The following GRM1 variants were observed in gnomAD, a reference collection of about 807,000 sequenced individuals.
The protein encoded by GRM1 is glutamate metabotropic receptor 1, also known as metabotropic glutamate receptor 1.
In GRM1, 33 loss-of-function variants were observed where a neutral mutation model predicts 90.9. The observed-to-expected ratio is 0.36, with a 90% CI of 0.28 to 0.49. The LOEUF is 0.49. GRM1 is among the 20% of genes least tolerant of loss of function. GRM1 has a pLI of 0.99. For missense variants in GRM1, 1,190 were observed against 1,534.3 expected (o/e 0.78, Z 3.75); for synonymous variants, 700 against 613.2 (o/e 1.14, Z -2.09).
chr6:146,157,187 C>A (rs1777553212), intron 1 of GRM1, among the ~76,000 whole-genome samples: 1 of 152,044 alleles, frequency 6.6e-6, no homozygotes, highest in Non-Finnish European at 1.5e-5. Flanking sequence ...GAAAGAAAAT[C>A]CAACAAACAT....
chr6:146,378,184 G>T (rs182055791), intron 5 of GRM1, among the ~76,000 whole-genome samples: 1 of 152,206 alleles, frequency 6.6e-6, no homozygotes, highest in Non-Finnish European at 1.5e-5. Context: ...CTCTGCTAGG[G>T]AAGTGCAGAA....
chr6:146,241,288 C>T (rs772764424), intron 2 of GRM1, among the ~76,000 whole-genome samples: 16 of 151,950 alleles, frequency 1.1e-4, no homozygotes, highest in South Asian at 2.1e-4. Flanking sequence ...TATAAGATAC[C>T]GGATGCTTTG....
intron 2 of GRM1, among the ~76,000 whole-genome samples, chr6:146,238,307 T>G (rs1283982624): frequency 6.6e-6 from 1 of 152,158 alleles, no homozygotes; most frequent in East Asian, 1.9e-4. Flanking sequence ...TATTTTTAAG[T>G]GGACAGTTGT....
chr6:146,380,913 C>T, intron 5 of GRM1, among the ~76,000 whole-genome samples: 1 of 152,142 alleles, frequency 6.6e-6, no homozygotes, highest in East Asian at 1.9e-4. Flanking sequence ...TAGAAGTGTC[C>T]TCTGGGAGCT....
intron 2 of GRM1, among the ~76,000 whole-genome samples, chr6:146,249,516 A>G (rs1285017224): frequency 6.6e-6 from 1 of 152,160 alleles, no homozygotes; most frequent in Non-Finnish European, 1.5e-5. Flanking sequence ...TTTTGGGCCT[A>G]TGGGTGCACA....
chr6:146,379,070 A>G (rs1776218000), intron 5 of GRM1, among the ~76,000 whole-genome samples: 2 of 152,168 alleles, frequency 1.3e-5, no homozygotes, highest in African/African-American at 2.4e-5. Flanking sequence ...GCAGCATGAG[A>G]ACAGACTCAT....
At chr6:146,051,544 AG>A (rs1775293427) in intron 1 of GRM1, among the ~76,000 whole-genome samples, 1 of 152,212 alleles carries the variant, frequency 6.6e-6, no homozygotes, top group African/African-American at 2.4e-5. Context: ...GAAAATTTGC[AG>A]TGTTTAATAT....
At chr6:146,431,797 TAAG>T (rs1257863219) in intron 7 of GRM1, among the ~76,000 whole-genome samples, 1 of 152,138 alleles carries the variant, frequency 6.6e-6, no homozygotes, top group Non-Finnish European at 1.5e-5. Context: ...AAGGCATACT[TAAG>T]GAGGGTAAGA....
chr6:146,360,737 A>G (rs1001781295), intron 5 of GRM1, among the ~76,000 whole-genome samples: 1 of 152,232 alleles, frequency 6.6e-6, no homozygotes. Context: ...GTTCACAAGT[A>G]TCTTAGCTCA....
intron 2 of GRM1, among the ~76,000 whole-genome samples, chr6:146,216,632 G>T (rs1158503778): frequency 6.6e-6 from 1 of 152,186 alleles, no homozygotes; most frequent in East Asian, 1.9e-4. Context: ...CAGAAACTGG[G>T]GCTAATGCAA....
intron 2 of GRM1, among the ~76,000 whole-genome samples, chr6:146,280,787 A>ATT (rs577622701): frequency 2.0e-5 from 3 of 150,772 alleles, no homozygotes; most frequent in Admixed American, 6.6e-5. Context: ...AGCCCAGGTA[A>ATT]TTTTTTTTTC....
rs1782449265 is a variant in GRM1, at chr6:146,278,418, C to A, written c.951-26193C>A. The stretch of plus-strand genomic sequence containing the variant: ...CTATTGTGTTACTCCATATATTCAC[C>A]CTTAATGACATGTTACTTATTCTGC... On this transcript the variant is annotated intron_variant, in intron 2 of 7. Transcript: ENST00000282753. Among the ~76,000 whole-genome samples the A allele has an allele frequency of 3.9e-5, 6 of 152,038 alleles. No homozygotes were observed. In the South Asian group the frequency reaches 1.2e-3, roughly 32 times the overall value.
intron 2 of GRM1, among the ~76,000 whole-genome samples, chr6:146,176,419 C>T (rs1778339275): frequency 1.3e-5 from 2 of 151,996 alleles, no homozygotes; most frequent in South Asian, 2.1e-4. Flanking sequence ...CAGTGAATAG[C>T]TGTAATTTGA....
chr6:146,159,641 T>TCTCA (rs372590505), intron 2 of GRM1, 44 bp downstream of exon 2: 422 of 727,940 alleles, frequency 5.8e-4, no homozygotes, highest in South Asian at 5.6e-3. Context: ...TCTCTCTCTC[T>TCTCA]CACACACACA....
At chr6:146,278,296 G>A (rs979727463) in intron 2 of GRM1, among the ~76,000 whole-genome samples, 5 of 152,100 alleles carry the variant, frequency 3.3e-5, no homozygotes, top group Non-Finnish European at 7.4e-5. Flanking sequence ...GAAAAATTGG[G>A]CTTAGAAAGT....
At chr6:146,085,953 A>G (rs1206250957) in intron 1 of GRM1, among the ~76,000 whole-genome samples, 2 of 152,116 alleles carry the variant, frequency 1.3e-5, no homozygotes, top group East Asian at 3.9e-4. Flanking sequence ...AGAATTTGAG[A>G]AAGTTATTGC....
intron 7 of GRM1, among the ~76,000 whole-genome samples, chr6:146,411,045 C>A (rs1427677640): frequency 6.6e-6 from 1 of 152,144 alleles, no homozygotes; most frequent in Admixed American, 6.5e-5. Context: ...GGCACTGGGA[C>A]AACTGCAGTG....
intron 3 of GRM1, among the ~76,000 whole-genome samples, chr6:146,320,840 C>T (rs1784158688): frequency 6.6e-6 from 1 of 151,962 alleles, no homozygotes. Flanking sequence ...TTTATTGTGT[C>T]TATTTGATTC....
intron 1 of GRM1, among the ~76,000 whole-genome samples, chr6:146,089,899 G>A (rs1468087542): frequency 2.0e-5 from 3 of 151,802 alleles, no homozygotes; most frequent in Non-Finnish European, 2.9e-5. Flanking sequence ...TAATGTTTCC[G>A]GTTACAGGGG....
Sources: allele counts gnomAD v4.1 joint callset (sites outside exome capture counted in the v4.1 genomes callset), GRCh38; gene constraint gnomAD v4.1.1; transcripts MANE v1.5; gene names NCBI Gene and HGNC (gene_info 2026-07-23, HGNC 2026-07-21).